PARP16: variants seen among roughly 807,000 people sequenced by gnomAD.
The protein encoded by PARP16 is protein mono-ADP-ribosyltransferase PARP16.
A neutral mutation model predicts 35.0 loss-of-function variants in PARP16; 31 were observed. That is an observed-to-expected ratio of 0.88 (90% CI 0.66 to 1.19). The LOEUF (loss-of-function observed/expected upper bound fraction) is 1.19, where lower values mean the gene tolerates loss of function less well. Among genes scored for constraint, PARP16 ranks in the 50% most tolerant of loss-of-function variants. PARP16 has a pLI of 0.00. For missense variants in PARP16, 424 were observed against 411.2 expected, an observed-to-expected ratio of 1.03 and a Z score of -0.27; for synonymous variants, 162 against 169.5, an observed-to-expected ratio of 0.96 and a Z score of 0.34.
chr15:65,285,812 A>C (rs919158201), intron 1 of PARP16, among the ~76,000 whole-genome samples: 1 of 152,198 alleles, frequency 6.6e-6, no homozygotes, highest in Non-Finnish European at 1.5e-5. Context: ...ACAGTTTATA[A>C]AAGTACTGCC....
chr15:65,233,275 G>C (rs545721819), downstream of PARP16, among the ~76,000 whole-genome samples: 1 of 152,208 alleles, frequency 6.6e-6, no homozygotes, highest in African/African-American at 2.4e-5. Flanking sequence ...TTAGCCGGGC[G>C]CCTGTAGTCC....
intron 2 of PARP16, among the ~76,000 whole-genome samples, chr15:65,251,072 C>T (rs1171727254): frequency 3.3e-5 from 5 of 151,892 alleles, no homozygotes; most frequent in Admixed American, 1.3e-4. Context: ...TTAGTAGAGA[C>T]GGGGTTTCAC....
intron 1 of PARP16, among the ~76,000 whole-genome samples, chr15:65,284,899 C>T (rs2090538745): frequency 6.9e-6 from 1 of 144,660 alleles, no homozygotes; most frequent in South Asian, 2.2e-4. Context: ...CTCATTGCAG[C>T]CTCGACCTCT....
In PARP16 at chr15:65,243,632, T is replaced by C. The variant is rs866164966; in HGVS notation, c.*97+4485A>G. Among the ~76,000 whole-genome samples, 3 of 152,328 alleles carry C rather than the reference T, an allele frequency of 2.0e-5. No homozygotes were observed. The South Asian group carries it at 6.2e-4, about 32-fold the overall frequency. On this transcript the variant is annotated intron_variant and NMD_transcript_variant, in intron 3 of 3. Coordinates refer to the PARP16 transcript ENST00000559805. ...GGGAAGTATTCCCTCCTTTTCAATA[T>C]TCTGGAAGATTTTATATCAAGTTGG...
downstream of PARP16, among the ~76,000 whole-genome samples, chr15:65,257,108 C>A (rs927292327): frequency 6.6e-6 from 1 of 152,144 alleles, no homozygotes; most frequent in Non-Finnish European, 1.5e-5. Context: ...CATGGCAAAA[C>A]CCTGTCTCTA....
At chr15:65,238,428 G>C (rs796960168) in intron 3 of PARP16, among the ~76,000 whole-genome samples, 1 of 152,206 alleles carries the variant, frequency 6.6e-6, no homozygotes, top group Non-Finnish European at 1.5e-5. Flanking sequence ...CCCTGGCCCA[G>C]GCTGCCCCAG....
At chr15:65,263,114 C>T (rs1018812826) in intron 4 of PARP16, 35 bp downstream of exon 4, 5 of 1,596,538 alleles carry the variant, frequency 3.1e-6, no homozygotes, top group East Asian at 4.5e-5. Flanking sequence ...CCAACAGAGG[C>T]CTGTAGCCCA....
intron 2 of PARP16, among the ~76,000 whole-genome samples, 161 bp from the exon 3 acceptor site, chr15:65,266,929 C>T (rs771253134): frequency 2.0e-5 from 3 of 152,148 alleles, no homozygotes; most frequent in Non-Finnish European, 4.4e-5. Flanking sequence ...GCGTATAGCA[C>T]AAGACTGCTT....
At chr15:65,233,732 T>A (rs1294675810), downstream of PARP16, among the ~76,000 whole-genome samples, 24 of 139,498 alleles carry the variant, frequency 1.7e-4, no homozygotes, top group Admixed American at 1.6e-3. Context: ...CAAGACTATA[T>A]CACAAAAATT....
intron 2 of PARP16, among the ~76,000 whole-genome samples, chr15:65,268,011 C>CT (rs2089965029): frequency 1.3e-5 from 2 of 152,048 alleles, no homozygotes; most frequent in Admixed American, 6.6e-5. Context: ...ACTTTTACAT[C>CT]TATCTCCTGC....
chr15:65,235,175 T>C (rs1416539221), intron 3 of PARP16, among the ~76,000 whole-genome samples: 4 of 150,420 alleles, frequency 2.7e-5, no homozygotes, highest in Non-Finnish European at 5.9e-5. Context: ...GGCGTAGTGG[T>C]GGGCGCCTGT....
intron 4 of PARP16, among the ~76,000 whole-genome samples, chr15:65,261,811 T>C (rs1439852686): frequency 1.3e-5 from 2 of 152,146 alleles, no homozygotes; most frequent in African/African-American, 4.8e-5. Flanking sequence ...AGAACATTTA[T>C]CTTCCACCCT....
chr15:65,269,262 T>C (rs1046970734), intron 2 of PARP16, among the ~76,000 whole-genome samples: 2 of 151,452 alleles, frequency 1.3e-5, no homozygotes, highest in African/African-American at 2.4e-5. Flanking sequence ...AGTGGCGGCA[T>C]CTTGGCTCAC....
intron 1 of PARP16, among the ~76,000 whole-genome samples, chr15:65,280,936 C>T (rs2090405107): frequency 6.6e-6 from 1 of 152,154 alleles, no homozygotes. Context: ...ACAAATTGCC[C>T]AGATTTGTTA....
At chr15:65,248,549 G>C (rs1015330700) in intron 2 of PARP16, among the ~76,000 whole-genome samples, 1 of 152,132 alleles carries the variant, frequency 6.6e-6, no homozygotes, top group Admixed American at 6.5e-5. Context: ...CCGAGGAACA[G>C]CTGCAACCAG....
At chr15:65,269,176 T>TTTTTCTTTCTTTCTTTC (rs1555423771) in intron 2 of PARP16, among the ~76,000 whole-genome samples, 1 of 146,054 alleles carries the variant, frequency 6.8e-6, no homozygotes, top group Non-Finnish European at 1.5e-5. Flanking sequence ...TAGTCGGTTT[T>TTTTTCTTTCTTTCTTTC]TTTCTTTCTT....
chr15:65,260,892 G>A lies in PARP16; in HGVS notation c.826C>T (p.Pro276Ser), dbSNP rs369368475. Residue 276 changes from proline (P) to serine (S), a missense_variant, in exon 5 of 6, where the codon CCC (proline) becomes TCC (serine). Pro to Ser is a moderately conservative substitution (Grantham distance 74). Transcript: ENST00000649807. ...KYLLVYSQKP[P>S]KRASSQLSWF... ...TGTTCTCTTGGACCTTACCTCTTGG[G>A]TGGCTTCTGTGAATACACCAGGAGG... The A allele has an allele frequency of 1.2e-6, 2 of 1,613,808 alleles. No homozygotes were observed. The highest frequency in any genetic ancestry group is 1.7e-6 in the Non-Finnish European group (2 of 1,179,834).
At chr15:65,248,301 T>G in intron 2 of PARP16, 1 of 456,384 alleles carries the variant, frequency 2.2e-6, no homozygotes, top group Admixed American at 2.3e-5. Flanking sequence ...AAATCAAGAA[T>G]GAGTGAATGA....
intron 3 of PARP16, among the ~76,000 whole-genome samples, chr15:65,237,361 A>T (rs2140716779): frequency 6.6e-6 from 1 of 152,326 alleles, no homozygotes; most frequent in East Asian, 1.9e-4. Flanking sequence ...AGGTGGTCCC[A>T]AAAGATGTGT....
Sources: allele counts gnomAD v4.1 joint callset (sites outside exome capture counted in the v4.1 genomes callset), GRCh38; gene constraint gnomAD v4.1.1; transcripts MANE v1.5; gene names NCBI Gene and HGNC (gene_info 2026-07-23, HGNC 2026-07-21).